Variants in NRXN3 observed in about 807,000 individuals in gnomAD.
NRXN3 encodes the protein neurexin 3.
Under a neutral mutation model 137.6 loss-of-function variants are expected in NRXN3, and 32 were observed. The observed-to-expected ratio is 0.23, with a 90% confidence interval of 0.18 to 0.31. The LOEUF (loss-of-function observed/expected upper bound fraction) is 0.31. Among genes scored for constraint, NRXN3 ranks in the 10% least tolerant of loss-of-function variants. The probability of loss-of-function intolerance (pLI) is 1.00; values close to 1 mark genes in which losing one functional copy is unlikely to be tolerated. For synonymous variants in NRXN3, 798 were observed against 784.5 expected, an observed-to-expected ratio of 1.02 and a Z score of -0.29; for missense variants, 1,574 against 2,062.5, an observed-to-expected ratio of 0.76 and a Z score of 4.59.
chr14:79,249,490 T>A (rs1462805430), intron 15 of NRXN3, among the ~76,000 whole-genome samples: 1 of 152,160 alleles, frequency 6.6e-6, no homozygotes, highest in Non-Finnish European at 1.5e-5. Context: ...GTGAAAAGTC[T>A]CAATTGTCCC....
chr14:79,268,953 C>T (rs1195250246), intron 15 of NRXN3, among the ~76,000 whole-genome samples: 7 of 152,128 alleles, frequency 4.6e-5, no homozygotes, highest in African/African-American at 9.7e-5. Flanking sequence ...TGTTCTATTA[C>T]GTCACATTAT....
rs984341322 is a variant in NRXN3 at position 78,291,453 on chromosome 14, C to A, written c.728-6378C>A. ...GCTTAAAATGCTAAGATGTGTATTT[C>A]AACTGGAAGATGAAATTCTTCCTTT... On this transcript the variant is annotated intron_variant, in intron 3 of 20. Coordinates refer to ENST00000335750, the MANE Select transcript of NRXN3 (RefSeq NM_001330195.2). 2.0e-5 allele frequency among the ~76,000 whole-genome samples: 3 copies of A among 152,206 alleles called. 1 individual carries two copies. Among genetic ancestry groups the A allele is most frequent in the Admixed American group, 2.0e-4 (3 of 15,288 alleles).
chr14:79,801,033 C>T (rs1169785632), intron 19 of NRXN3, among the ~76,000 whole-genome samples: 1 of 152,180 alleles, frequency 6.6e-6, no homozygotes, highest in Non-Finnish European at 1.5e-5. Context: ...TGTTCTGTGG[C>T]AGGTGTGGCC....
At chr14:78,256,898 C>A (rs903455916) in intron 2 of NRXN3, among the ~76,000 whole-genome samples, 1 of 152,214 alleles carries the variant, frequency 6.6e-6, no homozygotes, top group Non-Finnish European at 1.5e-5. Flanking sequence ...GTTATAGTTA[C>A]TCCTGACTGC....
intron 4 of NRXN3, among the ~76,000 whole-genome samples, chr14:78,580,919 A>T (rs1046164864): frequency 3.9e-5 from 6 of 152,222 alleles, no homozygotes; most frequent in Non-Finnish European, 8.8e-5. Flanking sequence ...GGGAAAAGTT[A>T]TGCTTATCCT....
At chr14:78,806,045 C>CTT (rs202241378) in intron 9 of NRXN3, among the ~76,000 whole-genome samples, 12 of 83,588 alleles carry the variant, frequency 1.4e-4, no homozygotes, top group African/African-American at 3.9e-4. Flanking sequence ...ATAGACTTTG[C>CTT]TTTTTTTTTT....
At chr14:78,332,946 A>G (rs1375139168) in intron 4 of NRXN3, among the ~76,000 whole-genome samples, 4 of 151,998 alleles carry the variant, frequency 2.6e-5, no homozygotes, top group Non-Finnish European at 5.9e-5. Context: ...AGGACTCTCC[A>G]GGACCACTTT....
chr14:79,451,128 T>C (rs1366378047), intron 15 of NRXN3, among the ~76,000 whole-genome samples: 2 of 146,862 alleles, frequency 1.4e-5, no homozygotes, highest in East Asian at 2.0e-4. Context: ...TTATGACACA[T>C]GGCTTTATGT....
At chr14:79,234,330 ATATATATATAATATTTATATATATAT>A (rs1597601564) in intron 15 of NRXN3, among the ~76,000 whole-genome samples, 1 of 102,700 alleles carries the variant, frequency 9.7e-6, no homozygotes, top group East Asian at 2.9e-4. Context: ...ATATATATAT[ATATATATATAATATTTATATATATAT>A]TATATATGTA....
intron 11 of NRXN3, among the ~76,000 whole-genome samples, chr14:78,964,381 G>A (rs561580094): frequency 6.6e-6 from 1 of 152,332 alleles, no homozygotes; most frequent in South Asian, 2.1e-4. Flanking sequence ...TGGAAGCAAG[G>A]CTTGCTCCTG....
At chr14:79,834,031 C>T (rs1277460352) in intron 20 of NRXN3, among the ~76,000 whole-genome samples, 2 of 144,570 alleles carry the variant, frequency 1.4e-5, no homozygotes, top group Non-Finnish European at 3.0e-5. Context: ...GTTTGTGTTA[C>T]AGCATTTGTG....
intron 4 of NRXN3, among the ~76,000 whole-genome samples, chr14:78,463,550 T>TG (rs1305611818): frequency 6.9e-6 from 1 of 144,468 alleles, no homozygotes; most frequent in African/African-American, 2.8e-5. Flanking sequence ...TACCTTGTTG[T>TG]TTTTTTTGAC....
intron 16 of NRXN3, among the ~76,000 whole-genome samples, chr14:79,529,880 G>T (rs547452750): frequency 6.6e-6 from 1 of 152,106 alleles, no homozygotes; most frequent in Admixed American, 6.6e-5. Flanking sequence ...AAGCAAAGTC[G>T]AAAACTGCCA....
intron 15 of NRXN3, among the ~76,000 whole-genome samples, chr14:79,335,910 C>T (rs1292683324): frequency 6.6e-6 from 1 of 152,042 alleles, no homozygotes; most frequent in Non-Finnish European, 1.5e-5. Context: ...CCATTTATCC[C>T]TTTTGTGCAT....
At chr14:79,164,418 C>G (rs1419327745) in intron 15 of NRXN3, among the ~76,000 whole-genome samples, 1 of 151,970 alleles carries the variant, frequency 6.6e-6, no homozygotes, top group Non-Finnish European at 1.5e-5. Context: ...GAAAAGTAAA[C>G]ATCTAGTCCA....
intron 4 of NRXN3, among the ~76,000 whole-genome samples, chr14:78,539,966 C>G (rs34042387): frequency 0.24 from 36,125 of 151,996 alleles, 4,496 homozygotes; most frequent in Middle Eastern, 0.32. Context: ...ACTGTGGTCT[C>G]AGAGACAGTT....
chr14:79,412,049 T>C (rs753746710), intron 15 of NRXN3, among the ~76,000 whole-genome samples: 1 of 152,100 alleles, frequency 6.6e-6, no homozygotes, highest in Non-Finnish European at 1.5e-5. Flanking sequence ...CTGGCCAGTC[T>C]CCTTATGGTG....
chr14:79,288,045 A>G (rs1486180279), intron 15 of NRXN3, among the ~76,000 whole-genome samples: 1 of 152,212 alleles, frequency 6.6e-6, no homozygotes, highest in East Asian at 1.9e-4. Flanking sequence ...ACCACTGTGC[A>G]TCTTAAACCT....
chr14:78,865,167 A>G (rs2099083449), intron 10 of NRXN3, among the ~76,000 whole-genome samples: 3 of 152,302 alleles, frequency 2.0e-5, no homozygotes, highest in South Asian at 4.1e-4. Flanking sequence ...AAAAAAAGAC[A>G]AGGAAGGTAG....
Sources: gnomAD v4.1 joint callset for allele counts (sites outside exome capture counted in the v4.1 genomes callset) on GRCh38, gnomAD v4.1.1 for gene constraint, MANE v1.5 for transcripts, NCBI Gene and HGNC (gene_info 2026-07-23, HGNC 2026-07-21) for gene names.